Variants in SNTB2 observed in about 807,000 individuals in gnomAD.
The protein encoded by SNTB2 is syntrophin beta 2.
In SNTB2, 34 loss-of-function variants were observed where a neutral mutation model predicts 46.2. The ratio of observed to expected loss-of-function variants is 0.74; its 90% CI spans 0.56 to 0.98. SNTB2 has a LOEUF of 0.98. SNTB2 is among the 50% of genes least tolerant of loss of function. The pLI is 0.00. For missense variants in SNTB2, 603 were observed against 731.4 expected, an observed-to-expected ratio of 0.82 and a Z score of 2.02; for synonymous variants, 290 against 312.6, an observed-to-expected ratio of 0.93 and a Z score of 0.76.
In SNTB2 at chr16:69,296,574, C is replaced by T. The variant is rs1428199690; in HGVS notation, c.1346-3016C>T. ...TGTCTCTACTAAAAATACAAAAAAT[C>T]AGCCAGGCCTGGTGGCACATGCCTG... is the stretch of plus-strand genomic sequence containing the variant. On this transcript the variant is annotated intron_variant, in intron 5 of 6. Coordinates refer to ENST00000336278, the MANE Select transcript of SNTB2 (RefSeq NM_006750.4). Among the ~76,000 whole-genome samples, 23 of 146,642 alleles carry T rather than the reference C, an allele frequency of 1.6e-4. No individual in the cohort carries two copies. The South Asian group carries it at 4.8e-3, about 31-fold the overall frequency.
rs1964573184 is a variant in SNTB2, at chr16:69,237,811, C to T, written c.581-7791C>T. ...TAGAGACGGAGTTTCTCCATGTGGT[C>T]AGGCTGGTCTTGAACTCCCGACCTC... On this transcript the variant is annotated intron_variant, in intron 1 of 6. Coordinates refer to ENST00000336278, the MANE Select transcript of SNTB2 (RefSeq NM_006750.4). Among the ~76,000 whole-genome samples the T allele has an allele frequency of 2.6e-5, 4 of 152,018 alleles. No homozygotes were observed. The South Asian group carries it at 8.3e-4, about 32-fold the overall frequency.
chr16:69,214,807 G>A (rs141756197), intron 1 of SNTB2, among the ~76,000 whole-genome samples: 2,456 of 151,872 alleles, frequency 0.016, 33 homozygotes, highest in Non-Finnish European at 0.026. Context: ...GATTACAGAC[G>A]TGAGCCACCG....
intron 2 of SNTB2, among the ~76,000 whole-genome samples, chr16:69,256,209 G>A (rs1426534227): frequency 6.6e-6 from 1 of 151,968 alleles, no homozygotes; most frequent in Non-Finnish European, 1.5e-5. Context: ...TTGTAGAGAT[G>A]GGTTCTCACT....
chr16:69,249,507 TAAGGATTG>T (rs961781635), intron 2 of SNTB2, among the ~76,000 whole-genome samples: 6 of 152,238 alleles, frequency 3.9e-5, no homozygotes, highest in Non-Finnish European at 8.8e-5. Context: ...CGTCATTCAC[TAAGGATTG>T]AAGTCCAGTT....
intron 5 of SNTB2, among the ~76,000 whole-genome samples, chr16:69,285,648 T>TA (rs921872361): frequency 1.0e-4 from 15 of 147,892 alleles, no homozygotes; most frequent in African/African-American, 3.3e-4. Context: ...CCCAGCTAAT[T>TA]AAAAAAAAAA....
chr16:69,238,672 C>T (rs1450006305), intron 1 of SNTB2, among the ~76,000 whole-genome samples: 1 of 152,126 alleles, frequency 6.6e-6, no homozygotes, highest in Non-Finnish European at 1.5e-5. Flanking sequence ...AAGGGGAACG[C>T]TATCCTTCTA....
intron 4 of SNTB2, among the ~76,000 whole-genome samples, chr16:69,279,848 A>T (rs1382398851): frequency 4.1e-5 from 5 of 120,812 alleles, no homozygotes; most frequent in South Asian, 2.5e-4. Flanking sequence ...CATTTTTTTT[A>T]ATTAATTAAT....
chr16:69,256,579 T>A (rs1000348373), intron 2 of SNTB2, among the ~76,000 whole-genome samples: 1 of 152,220 alleles, frequency 6.6e-6, no homozygotes, highest in East Asian at 1.9e-4. Context: ...TTATTTCTTC[T>A]TTCGTGACTG....
At chr16:69,278,062 G>T (rs775544561) in intron 4 of SNTB2, among the ~76,000 whole-genome samples, 28 of 152,136 alleles carry the variant, frequency 1.8e-4, no homozygotes, top group Non-Finnish European at 3.5e-4. Context: ...CGCGCCTATT[G>T]TCCCAACTAC....
At chr16:69,282,426 A>G (rs879784402) in intron 4 of SNTB2, among the ~76,000 whole-genome samples, 2 of 151,552 alleles carry the variant, frequency 1.3e-5, no homozygotes, top group African/African-American at 2.4e-5. Context: ...TGGGCTGTCT[A>G]TTCTGTTCCA....
At chr16:69,196,189 T>C (rs1964103816) in intron 1 of SNTB2, among the ~76,000 whole-genome samples, 1 of 151,972 alleles carries the variant, frequency 6.6e-6, no homozygotes, top group South Asian at 2.1e-4. Flanking sequence ...CAGTGAGCCA[T>C]GTTTGAGCCA....
rs554810967 is a variant in SNTB2, at chr16:69,301,007, T to C, written c.*83T>C. 1.2e-6 allele frequency: 1 copy of C among 869,056 alleles called. No homozygotes were observed. The highest frequency in any genetic ancestry group is 1.5e-5 in the South Asian group (1 of 66,606). 53.8% of individuals were successfully genotyped at this position (869,056 alleles called of 1,614,324 possible). On this transcript the variant is annotated 3_prime_UTR_variant, in exon 7 of 7. Coordinates refer to ENST00000336278, the MANE Select transcript of SNTB2 (RefSeq NM_006750.4). ...AAAAAAAAGCACAAAAAGAAACTCT[T>C]TGCTCTCCTTCAGCACAGTGCCTTC... is the stretch of plus-strand genomic sequence containing the variant.
At chr16:69,192,980 G>A (rs1384223703) in intron 1 of SNTB2, among the ~76,000 whole-genome samples, 1 of 151,888 alleles carries the variant, frequency 6.6e-6, no homozygotes, top group African/African-American at 2.4e-5. Flanking sequence ...GCTGTGTTCG[G>A]ACCCTCTTGC....
chr16:69,231,742 A>G (rs1027598343), intron 1 of SNTB2, among the ~76,000 whole-genome samples: 7 of 152,188 alleles, frequency 4.6e-5, no homozygotes, highest in Non-Finnish European at 1.0e-4. Context: ...TTAAACAAAC[A>G]CACCTACTAT....
intron 1 of SNTB2, among the ~76,000 whole-genome samples, chr16:69,209,667 AT>A (rs1220667549): frequency 6.6e-6 from 1 of 152,134 alleles, no homozygotes; most frequent in Non-Finnish European, 1.5e-5. Flanking sequence ...TAGTAGCTAT[AT>A]TTTATATGTT....
At chr16:69,270,472 A>C (rs1001551136) in intron 4 of SNTB2, among the ~76,000 whole-genome samples, 187 bp downstream of exon 4, 33 of 152,198 alleles carry the variant, frequency 2.2e-4, no homozygotes, top group African/African-American at 8.0e-4. Context: ...GCTCAGAATA[A>C]ATTGTTTTTA....
chr16:69,234,702 A>ATT (rs199980967), intron 1 of SNTB2, among the ~76,000 whole-genome samples: 4 of 136,436 alleles, frequency 2.9e-5, no homozygotes, highest in Non-Finnish European at 3.2e-5. Flanking sequence ...ACAACTTGGT[A>ATT]TTTTTTTTTT....
intron 4 of SNTB2, among the ~76,000 whole-genome samples, chr16:69,275,713 T>A (rs1261509912): frequency 6.6e-6 from 1 of 152,212 alleles, no homozygotes; most frequent in East Asian, 1.9e-4. Context: ...GGGCTGAATG[T>A]TTAATTTCCC....
chr16:69,232,194 ATTTTTTC>A (rs1964512257), intron 1 of SNTB2, among the ~76,000 whole-genome samples: 2 of 148,534 alleles, frequency 1.3e-5, no homozygotes, highest in Admixed American at 1.4e-4. Flanking sequence ...AAAGGCCATA[ATTTTTTC>A]TTTTTTCTTT....
Sources: gnomAD v4.1 joint callset for allele counts (sites outside exome capture counted in the v4.1 genomes callset) on GRCh38, gnomAD v4.1.1 for gene constraint, MANE v1.5 for transcripts, NCBI Gene and HGNC (gene_info 2026-07-23, HGNC 2026-07-21) for gene names.